PPP2R2B: variants seen among roughly 807,000 people sequenced by gnomAD.
The protein encoded by PPP2R2B is protein phosphatase 2 regulatory subunit Bbeta, also known as serine/threonine-protein phosphatase 2A 55 kDa regulatory subunit B beta isoform.
A neutral mutation model predicts 46.0 loss-of-function variants in PPP2R2B; 5 were observed. The ratio of observed to expected loss-of-function variants is 0.11; its 90% CI spans 0.06 to 0.23. The LOEUF is 0.23. PPP2R2B is among the 10% of genes least tolerant of loss of function. The pLI, the probability that PPP2R2B is intolerant of heterozygous loss-of-function variation, is 1.00. For missense variants in PPP2R2B, 367 were observed against 575.0 expected, an observed-to-expected ratio of 0.64 and a Z score of 3.70; for synonymous variants, 215 against 206.7, an observed-to-expected ratio of 1.04 and a Z score of -0.34.
At chr5:146,669,164 T>C (rs1777186697) in intron 5 of PPP2R2B, among the ~76,000 whole-genome samples, 1 of 152,236 alleles carries the variant, frequency 6.6e-6, no homozygotes, top group Non-Finnish European at 1.5e-5. Context: ...CTATTTAGTA[T>C]TTATTTTGCC....
chr5:146,840,083 A>G (rs115324839), intron 2 of PPP2R2B, among the ~76,000 whole-genome samples: 1,657 of 152,334 alleles, frequency 0.011, 37 homozygotes, highest in African/African-American at 0.038. Context: ...TAAAATGAAA[A>G]GTTAATTATG....
rs1209125119 is a variant in PPP2R2B at position 146,589,315 on chromosome 5, A to AGCTT, written c.*628_*631dup. On this transcript the variant is annotated 3_prime_UTR_variant, in exon 10 of 10. Transcript: ENST00000394411. ...CCAAATTCTCAGGCTGTTTCTATGG[A>AGCTT]GCTTACAAAAAAAGAGCATAGCAGG... is the stretch of plus-strand genomic sequence containing the variant. 2 of 152,456 alleles carry AGCTT rather than the reference A, an allele frequency of 1.3e-5. No homozygotes were observed. The highest frequency in any genetic ancestry group is 2.4e-5 in the African/African-American group (1 of 41,428). The allele number at this position is 152,456 out of a possible 1,614,324, so 9.4% of individuals were successfully genotyped here.
chr5:146,980,649 C>A (rs890002307), intron 1 of PPP2R2B, among the ~76,000 whole-genome samples: 3 of 152,032 alleles, frequency 2.0e-5, no homozygotes, highest in African/African-American at 7.3e-5. Flanking sequence ...ATAGATTAAT[C>A]TCTCTTGTTT....
chr5:146,738,024 A>G (rs920359745), intron 2 of PPP2R2B, among the ~76,000 whole-genome samples: 14 of 152,172 alleles, frequency 9.2e-5, no homozygotes, highest in Non-Finnish European at 1.8e-4. Flanking sequence ...TACAAAGACC[A>G]TCAACACATG....
At chr5:146,976,332 T>A (rs1214147588) in intron 1 of PPP2R2B, among the ~76,000 whole-genome samples, 1 of 151,946 alleles carries the variant, frequency 6.6e-6, no homozygotes, top group Non-Finnish European at 1.5e-5. Context: ...GAGATGGGTT[T>A]TGCCATGTTG....
intron 1 of PPP2R2B, among the ~76,000 whole-genome samples, chr5:147,045,017 G>T (rs1270438878): frequency 6.6e-6 from 1 of 152,106 alleles, no homozygotes; most frequent in African/African-American, 2.4e-5. Context: ...ACTGCTTATT[G>T]AGAATAAAAA....
Position 146,821,190 on chromosome 5 carries a change from C to T in PPP2R2B, c.70+56812G>A, listed in dbSNP as rs1054568337. ...CCTATATATATATCCACAGACAACA[C>T]GTGCACATGCATGTGCTTACACACA... On this transcript the variant is annotated intron_variant, in intron 2 of 9. Coordinates refer to ENST00000394411, the MANE Select transcript of PPP2R2B (RefSeq NM_181675.4). Among the ~76,000 whole-genome samples the T allele has an allele frequency of 3.3e-5, 5 of 152,156 alleles. No homozygotes were observed. The South Asian group carries it at 6.2e-4, about 19-fold the overall frequency.
intron 2 of PPP2R2B, among the ~76,000 whole-genome samples, chr5:147,074,780 C>T (rs1757709979): frequency 6.6e-6 from 1 of 152,150 alleles, no homozygotes; most frequent in Admixed American, 6.6e-5. Flanking sequence ...ATATGAAATA[C>T]ACCTCACATC....
intron 2 of PPP2R2B, among the ~76,000 whole-genome samples, chr5:146,751,864 A>C (rs1753575158): frequency 6.6e-6 from 1 of 152,198 alleles, no homozygotes. Flanking sequence ...TTCCAGAAAG[A>C]GAAAACTACA....
At chr5:147,000,422 G>A (rs1754117605) in intron 1 of PPP2R2B, among the ~76,000 whole-genome samples, 1 of 152,098 alleles carries the variant, frequency 6.6e-6, no homozygotes, top group Non-Finnish European at 1.5e-5. Flanking sequence ...CCTTGTTCCT[G>A]CTCCTGTAAA....
intron 1 of PPP2R2B, among the ~76,000 whole-genome samples, chr5:146,988,060 G>A (rs542003881): frequency 2.8e-4 from 42 of 151,974 alleles, no homozygotes; most frequent in African/African-American, 7.7e-4. Flanking sequence ...CAATACAGCC[G>A]GAGGATATAA....
intron 7 of PPP2R2B, among the ~76,000 whole-genome samples, chr5:146,626,727 T>G (rs1477293832): frequency 6.6e-6 from 1 of 152,182 alleles, no homozygotes; most frequent in East Asian, 1.9e-4. Context: ...TCTTTCCCAT[T>G]CTGCATGTCT....
chr5:146,661,865 A>G (rs964471814), intron 5 of PPP2R2B, among the ~76,000 whole-genome samples: 2 of 152,102 alleles, frequency 1.3e-5, no homozygotes, highest in Non-Finnish European at 2.9e-5. Context: ...TTGATGTTTT[A>G]CATTGTGTAA....
At chr5:146,728,969 C>T (rs928626000) in intron 2 of PPP2R2B, among the ~76,000 whole-genome samples, 2 of 152,140 alleles carry the variant, frequency 1.3e-5, no homozygotes, top group East Asian at 3.9e-4. Flanking sequence ...TGAAGAGATA[C>T]CCCAAAATGT....
intron 5 of PPP2R2B, among the ~76,000 whole-genome samples, chr5:146,653,491 C>A (rs1209546225): frequency 6.6e-6 from 1 of 152,152 alleles, no homozygotes; most frequent in South Asian, 2.1e-4. Flanking sequence ...GTGGTTGCTA[C>A]CTGGTTCCTC....
intron 7 of PPP2R2B, among the ~76,000 whole-genome samples, chr5:146,606,741 C>T (rs1472269158): frequency 6.6e-6 from 1 of 152,180 alleles, no homozygotes; most frequent in Non-Finnish European, 1.5e-5. Flanking sequence ...GACACAGACA[C>T]ATACTAGCTT....
At chr5:146,728,132 C>T (rs1368256043) in intron 2 of PPP2R2B, among the ~76,000 whole-genome samples, 1 of 135,946 alleles carries the variant, frequency 7.4e-6, no homozygotes, top group Non-Finnish European at 1.6e-5. Flanking sequence ...GCTAGGGAAA[C>T]ACTTACTTTT....
At chr5:147,072,491 C>G (rs1194552917) in intron 2 of PPP2R2B, among the ~76,000 whole-genome samples, 2 of 152,150 alleles carry the variant, frequency 1.3e-5, no homozygotes, top group Non-Finnish European at 2.9e-5. Flanking sequence ...TACTCAATCA[C>G]AGTAGCTGAG....
Position 147,022,398 on chromosome 5 carries a change from A to G in PPP2R2B, c.79+33267T>C, listed in dbSNP as rs114765631. 2.9e-3 allele frequency among the ~76,000 whole-genome samples: 430 copies of G among 148,812 alleles called. 1 individual carries two copies. Among genetic ancestry groups the G allele is most frequent in the Non-Finnish European group, 4.1e-3 (280 of 67,904 alleles). On this transcript the variant is annotated intron_variant, in intron 1 of 8. Transcript: ENST00000336640. The stretch of plus-strand genomic sequence containing the variant: ...ATAATGAAGCCCTGTCTCTGCTAAA[A>G]TAAAAAAAAAAAAATTGTTGGGTGT...
Sources: gnomAD v4.1 joint callset for allele counts (sites outside exome capture counted in the v4.1 genomes callset) on GRCh38, gnomAD v4.1.1 for gene constraint, MANE v1.5 for transcripts, NCBI Gene and HGNC (gene_info 2026-07-23, HGNC 2026-07-21) for gene names.